The following RIMS2 variants were observed in gnomAD, a reference collection of about 807,000 sequenced individuals.
RIMS2 encodes regulating synaptic membrane exocytosis protein 2.
RIMS2 carries 59 observed loss-of-function variants against 174.4 expected under a neutral mutation model. The observed-to-expected ratio is 0.34, with a 90% CI of 0.27 to 0.42. RIMS2 has a LOEUF of 0.42. RIMS2 is among the 10% of genes least tolerant of loss of function. The probability of loss-of-function intolerance (pLI) is 1.00; values close to 1 mark genes in which losing one functional copy is unlikely to be tolerated. For missense variants in RIMS2, 1,620 were observed against 1,666.3 expected (o/e 0.97, Z 0.48); for synonymous variants, 606 against 572.5 (o/e 1.06, Z -0.84).
At chr8:103,872,996 C>T (rs1410409781) in intron 3 of RIMS2, among the ~76,000 whole-genome samples, 1 of 152,150 alleles carries the variant, frequency 6.6e-6, no homozygotes, top group Non-Finnish European at 1.5e-5. Flanking sequence ...TTACTGCTAT[C>T]TTGTCAACTT....
intron 17 of RIMS2, among the ~76,000 whole-genome samples, chr8:104,010,039 T>C (rs1050134861): frequency 6.6e-6 from 1 of 151,946 alleles, no homozygotes; most frequent in African/African-American, 2.4e-5. Flanking sequence ...GACGGACGGA[T>C]GACAGGCAAT....
At chr8:103,680,490 TTTTG>T (rs1249349383) in intron 1 of RIMS2, among the ~76,000 whole-genome samples, 1 of 152,042 alleles carries the variant, frequency 6.6e-6, no homozygotes, top group East Asian at 1.9e-4. Flanking sequence ...TTCTGTTTTG[TTTTG>T]TTTTATATAG....
At chr8:103,763,364 A>C (rs561638149) in intron 2 of RIMS2, among the ~76,000 whole-genome samples, 3 of 151,650 alleles carry the variant, frequency 2.0e-5, no homozygotes, top group Non-Finnish European at 4.4e-5. Flanking sequence ...TTAACTTGGG[A>C]GGTTGAGGCT....
intron 3 of RIMS2, chr8:103,880,642 G>C (rs1356580493): frequency 1.9e-6 from 1 of 521,584 alleles, no homozygotes. Context: ...ATGTATTTTT[G>C]TCAACATGAT....
chr8:103,577,606 A>G (rs539637069), intron 1 of RIMS2, among the ~76,000 whole-genome samples: 41 of 152,360 alleles, frequency 2.7e-4, no homozygotes, highest in Non-Finnish European at 5.1e-4. Context: ...AACTTAAAGT[A>G]TAATTTTAAA....
chr8:104,228,372 TAA>T (rs1344248388), intron 19 of RIMS2, among the ~76,000 whole-genome samples: 1 of 152,192 alleles, frequency 6.6e-6, no homozygotes, highest in African/African-American at 2.4e-5. Flanking sequence ...AAGAAGAGTA[TAA>T]AGAGACATAT....
chr8:104,009,087 G>T (rs1000999538), intron 17 of RIMS2, among the ~76,000 whole-genome samples: 1 of 151,656 alleles, frequency 6.6e-6, no homozygotes, highest in Non-Finnish European at 1.5e-5. Context: ...CATGAGAATT[G>T]TAATTTTAAA....
chr8:103,570,775 C>A (rs1466776142), intron 1 of RIMS2, among the ~76,000 whole-genome samples: 2 of 151,992 alleles, frequency 1.3e-5, no homozygotes, highest in Non-Finnish European at 2.9e-5. Flanking sequence ...CTAGTCTAGT[C>A]TCTGTTTTGT....
chr8:103,931,807 T>C (rs1430056484), intron 12 of RIMS2, among the ~76,000 whole-genome samples: 1 of 152,058 alleles, frequency 6.6e-6, no homozygotes, highest in Non-Finnish European at 1.5e-5. Flanking sequence ...AATTTCTACT[T>C]CCTCTTACCA....
chr8:103,524,897 C>T (rs936584979), intron 1 of RIMS2, among the ~76,000 whole-genome samples: 9 of 152,166 alleles, frequency 5.9e-5, no homozygotes, highest in African/African-American at 2.2e-4. Flanking sequence ...TGATGCTGCT[C>T]CTGCAGGAAT....
chr8:103,983,730 C>T (rs2094118332), intron 16 of RIMS2, among the ~76,000 whole-genome samples: 1 of 152,112 alleles, frequency 6.6e-6, no homozygotes, highest in South Asian at 2.1e-4. Flanking sequence ...TATCTCTTGC[C>T]ATATACAAAA....
intron 14 of RIMS2, among the ~76,000 whole-genome samples, chr8:103,957,608 G>T (rs1192923552): frequency 6.6e-6 from 1 of 152,166 alleles, no homozygotes; most frequent in African/African-American, 2.4e-5. Flanking sequence ...GGCCTGTTGG[G>T]GAGTGAGGGG....
intron 1 of RIMS2, among the ~76,000 whole-genome samples, chr8:103,669,955 G>A (rs1717419918): frequency 6.6e-6 from 1 of 152,192 alleles, no homozygotes; most frequent in Non-Finnish European, 1.5e-5. Context: ...CTCTGTGTGG[G>A]AGCTCCAACC....
chr8:103,728,793 G>T, intron 2 of RIMS2, among the ~76,000 whole-genome samples: 1 of 127,700 alleles, frequency 7.8e-6, no homozygotes. Context: ...AAGGAATGGT[G>T]AATTTTCTCA....
intron 17 of RIMS2, among the ~76,000 whole-genome samples, chr8:103,996,319 C>T (rs1426235029): frequency 6.6e-6 from 1 of 151,704 alleles, no homozygotes; most frequent in Non-Finnish European, 1.5e-5. Context: ...AGTTTGAAAA[C>T]CACTGCTTGA....
At chr8:104,152,139 A>G (rs552222653) in intron 19 of RIMS2, among the ~76,000 whole-genome samples, 3 of 152,312 alleles carry the variant, frequency 2.0e-5, no homozygotes, top group African/African-American at 7.2e-5. Flanking sequence ...ATGAGTAGTT[A>G]TAGGTTTTTG....
chr8:103,940,853 G>C (rs1466050412), intron 13 of RIMS2, among the ~76,000 whole-genome samples: 1 of 149,762 alleles, frequency 6.7e-6, no homozygotes, highest in East Asian at 2.0e-4. Flanking sequence ...TCCAGCCTGG[G>C]CGACAGAGTG....
At chr8:104,071,732 G>A (rs551193094) in intron 19 of RIMS2, among the ~76,000 whole-genome samples, 33 of 152,222 alleles carry the variant, frequency 2.2e-4, no homozygotes, top group Admixed American at 6.5e-4. Flanking sequence ...CACCACGCCC[G>A]GCCGGGTCCC....
At chr8:103,980,094 C>T (rs572633218) in intron 16 of RIMS2, among the ~76,000 whole-genome samples, 1 of 152,256 alleles carries the variant, frequency 6.6e-6, no homozygotes, top group African/African-American at 2.4e-5. Flanking sequence ...AAGGAGATAC[C>T]AGCTGGCATG....
Sources: gnomAD v4.1 joint callset for allele counts (sites outside exome capture counted in the v4.1 genomes callset) on GRCh38, gnomAD v4.1.1 for gene constraint, MANE v1.5 for transcripts, NCBI Gene and HGNC (gene_info 2026-07-23, HGNC 2026-07-21) for gene names.